The following IFNAR1 variants were observed in gnomAD, a reference collection of about 807,000 sequenced individuals.
The protein encoded by IFNAR1 is interferon alpha/beta receptor 1.
IFNAR1 carries 47 observed loss-of-function variants against 62.1 expected under a neutral mutation model. The ratio of observed to expected loss-of-function variants is 0.76; its 90% CI spans 0.60 to 0.97. IFNAR1 has a LOEUF of 0.97. IFNAR1 is among the 50% of genes least tolerant of loss of function. IFNAR1 has a pLI of 0.00. For synonymous variants in IFNAR1, 219 were observed against 226.9 expected, an observed-to-expected ratio of 0.97 and a Z score of 0.31; for missense variants, 638 against 654.5, an observed-to-expected ratio of 0.97 and a Z score of 0.27.
chr21:33,331,129 T>C (rs1249495016), intron 1 of IFNAR1, among the ~76,000 whole-genome samples: 1 of 152,156 alleles, frequency 6.6e-6, no homozygotes, highest in Non-Finnish European at 1.5e-5. Context: ...AAGCAGCTGT[T>C]ACACCCTTCC....
At chr21:33,353,546 C>T in intron 9 of IFNAR1, 92 bp from the exon 10 acceptor site, 2 of 668,254 alleles carry the variant, frequency 3.0e-6, no homozygotes, top group South Asian at 2.3e-5. Flanking sequence ...TTTATATTTC[C>T]TTTCATATGG....
At chr21:33,339,244 G>A (rs2083272445) in intron 2 of IFNAR1, among the ~76,000 whole-genome samples, 1 of 152,102 alleles carries the variant, frequency 6.6e-6, no homozygotes, top group Non-Finnish European at 1.5e-5. Flanking sequence ...TGGATTTTTA[G>A]AAATAGATTC....
rs981681205 is a variant in IFNAR1 at position 33,358,085 on chromosome 21, T to C, written c.*2536T>C. ...CATTAAAAGACACCAGTGAAATTGTTAGGTCTCTAGGAAGTTGGAGCACAA... is the reference window on the plus strand; with the variant it reads ...CATTAAAAGACACCAGTGAAATTGTCAGGTCTCTAGGAAGTTGGAGCACAA... On this transcript the variant is annotated 3_prime_UTR_variant, in exon 11 of 11. Transcript: ENST00000270139. 6 of 152,170 alleles carry C rather than the reference T, an allele frequency of 3.9e-5. No individual in the cohort carries two copies. The highest frequency in any genetic ancestry group is 1.4e-4 in the African/African-American group (6 of 41,436). The allele number at this position is 152,170 out of a possible 1,614,324, so 9.4% of individuals were successfully genotyped here. A position where few individuals can be genotyped will look rare whatever the true frequency, so the allele number is the denominator to read the frequency against.
intron 6 of IFNAR1, 53 bp from the exon 7 acceptor site, chr21:33,349,038 T>A: frequency 8.8e-7 from 1 of 1,131,848 alleles, no homozygotes; most frequent in South Asian, 1.4e-5. Context: ...TGTCTGGCAA[T>A]TGTAAATACT....
intron 10 of IFNAR1, among the ~76,000 whole-genome samples, chr21:33,354,202 C>T (rs1295071229): frequency 1.3e-5 from 2 of 152,100 alleles, no homozygotes; most frequent in Non-Finnish European, 2.9e-5. Context: ...ATTAGCCGGG[C>T]GTGGTGGCAC....
intron 1 of IFNAR1, chr21:33,334,888 G>C: frequency 7.2e-7 from 1 of 1,384,324 alleles, no homozygotes; most frequent in Non-Finnish European, 1.0e-6. Context: ...AAGCTGCTGA[G>C]ATACACTATA....
At chr21:33,324,788 C>T (rs1032933636), upstream of IFNAR1, 5 of 506,744 alleles carry the variant, frequency 9.9e-6, no homozygotes, top group African/African-American at 9.6e-5. Flanking sequence ...GGCGCGCGCG[C>T]ACAGGGGTGC....
At chr21:33,336,643 T>C (rs531214274) in intron 2 of IFNAR1, among the ~76,000 whole-genome samples, 2 of 152,194 alleles carry the variant, frequency 1.3e-5, no homozygotes, top group Non-Finnish European at 2.9e-5. Flanking sequence ...TATGGCATTG[T>C]ACTCCAAAAG....
intron 1 of IFNAR1, chr21:33,334,756 G>A (rs1259814932): frequency 2.6e-6 from 2 of 783,590 alleles, no homozygotes; most frequent in Non-Finnish European, 4.6e-6. Flanking sequence ...TGTGTGAGGG[G>A]CAGCTGGATG....
At position 33,349,266 on chromosome 21, in the gene IFNAR1, A is replaced by G. The variant is rs780638655; in HGVS notation, c.964A>G (p.Ile322Val). 1.9e-6 allele frequency: 3 copies of G among 1,607,186 alleles called. No homozygotes were observed. In the South Asian group the frequency reaches 3.3e-5, roughly 18 times the overall value. Reference sequence around the variant, plus strand: ...TAACACATCTTTTTGGTCTGAAGAGATAAAGTTTGATACTGAAATACAAGG... The same window carrying G: ...TAACACATCTTTTTGGTCTGAAGAGGTAAAGTTTGATACTGAAATACAAGG... ...GNNTSFWSEE[I>V]KFDTEIQAFL... Residue 322 changes from isoleucine to valine, a missense_variant, in exon 7 of 11, where the codon ATA becomes GTA. By Grantham distance (29) the Ile-to-Val change is conservative. Coordinates refer to ENST00000270139, the MANE Select transcript of IFNAR1 (RefSeq NM_000629.3).
intron 1 of IFNAR1, among the ~76,000 whole-genome samples, chr21:33,333,639 T>TTTTTTTTTTTTTTTTTTTTTTTTTTTTTG: frequency 6.8e-6 from 1 of 147,576 alleles, no homozygotes; most frequent in African/African-American, 2.6e-5. Flanking sequence ...TTTTTTTTTT[T>TTTTTTTTTTTTTTTTTTTTTTTTTTTTTG]TTGAGACGGA....
intron 3 of IFNAR1, 131 bp downstream of exon 3, chr21:33,341,305 A>G (rs574186456): frequency 1.2e-4 from 74 of 622,058 alleles, no homozygotes; most frequent in African/African-American, 8.8e-4. Flanking sequence ...CCTTAAACCT[A>G]TATCTTCTTC....
At chr21:33,340,905 T>G (rs1337651752) in intron 2 of IFNAR1, 94 bp from the exon 3 acceptor site, 3 of 777,434 alleles carry the variant, frequency 3.9e-6, no homozygotes, top group Non-Finnish European at 6.3e-6. Flanking sequence ...TTATTAAGAG[T>G]TAAGAAATAA....
rs2083467407 is a variant in IFNAR1 at position 33,358,182 on chromosome 21, C to T, written c.*2633C>T. The T allele has an allele frequency of 6.6e-6, 1 of 152,052 alleles. No homozygotes were observed. Among genetic ancestry groups the T allele is most frequent in the Admixed American group, 6.6e-5 (1 of 15,260 alleles). 9.4% of individuals were successfully genotyped at this position (152,052 alleles called of 1,614,324 possible). A position where few individuals can be genotyped will look rare whatever the true frequency, so the allele number is the denominator to read the frequency against. ...GAGCACCAGCAGCAGAAAACAACAA[C>T]AAAAAAACACCTCGTTTTTACCTTG... On this transcript the variant is annotated 3_prime_UTR_variant, in exon 11 of 11. Transcript: ENST00000270139.
At chr21:33,352,308 A>G (rs2083405579) in intron 8 of IFNAR1, among the ~76,000 whole-genome samples, 1 of 152,134 alleles carries the variant, frequency 6.6e-6, no homozygotes, top group South Asian at 2.1e-4. Flanking sequence ...ATAGTGGTGT[A>G]TCTAAAACAA....
At chr21:33,350,588 C>T (rs1387628024) in intron 8 of IFNAR1, among the ~76,000 whole-genome samples, 15 of 151,978 alleles carry the variant, frequency 9.9e-5, no homozygotes, top group Non-Finnish European at 1.8e-4. Flanking sequence ...TAATATATAC[C>T]GTCAGATAAT....
upstream of IFNAR1, chr21:33,324,838 GC>G: frequency 3.4e-6 from 2 of 580,202 alleles, no homozygotes; most frequent in Middle Eastern, 4.6e-4. Flanking sequence ...GAGAAGGGGT[GC>G]TAGCTAGGAG....
In IFNAR1 at chr21:33,355,359, C is replaced by A. The variant is rs775151094; in HGVS notation, c.1484C>A (p.Ser495Tyr). 6.2e-7 allele frequency: 1 copy of A among 1,601,140 alleles called. No homozygotes were observed. Among genetic ancestry groups the A allele is most frequent in the Admixed American group, 1.7e-5 (1 of 57,716 alleles). Residue 495 changes from serine to tyrosine, a missense_variant, in exon 11 of 11, where the codon TCT becomes TAT. Physicochemically the swap from Ser to Tyr is moderately radical, Grantham distance 144 (BLOSUM62 -2). Coordinates refer to ENST00000270139, the MANE Select transcript of IFNAR1 (RefSeq NM_000629.3). ...TTGAAGAATCTTCTGCTTTCAACTTCTGAGGAACAAATCGAAAAATGTTTC... is the reference window on the plus strand; with the variant it reads ...TTGAAGAATCTTCTGCTTTCAACTTATGAGGAACAAATCGAAAAATGTTTC... The part of the protein sequence containing the change: ...QPLKNLLLST[S>Y]EEQIEKCFII...
chr21:33,353,028 T>A, intron 9 of IFNAR1, 120 bp downstream of exon 9: 38 of 564,778 alleles, frequency 6.7e-5, no homozygotes, highest in Middle Eastern at 5.1e-4. Context: ...ATAGAAAGAA[T>A]GTTTTCTTCA....
Sources: gnomAD v4.1 joint callset for allele counts (sites outside exome capture counted in the v4.1 genomes callset) on GRCh38, gnomAD v4.1.1 for gene constraint, MANE v1.5 for transcripts, NCBI Gene and HGNC (gene_info 2026-07-23, HGNC 2026-07-21) for gene names.